Variants in MAP7 observed in about 807,000 individuals in gnomAD.
MAP7 encodes the protein ensconsin.
Under a neutral mutation model 94.8 loss-of-function variants are expected in MAP7, and 52 were observed. The observed-to-expected ratio is 0.55, with a 90% confidence interval of 0.44 to 0.69. MAP7 has a LOEUF of 0.69. Among genes scored for constraint, MAP7 ranks in the 30% least tolerant of loss-of-function variants. MAP7 has a pLI of 0.00. For synonymous variants in MAP7, 350 were observed against 357.0 expected, an observed-to-expected ratio of 0.98 and a Z score of 0.22; for missense variants, 940 against 964.6, an observed-to-expected ratio of 0.97 and a Z score of 0.34.
chr6:136,373,701 A>T (rs1350138030), intron 7 of MAP7, among the ~76,000 whole-genome samples: 1 of 152,228 alleles, frequency 6.6e-6, no homozygotes, highest in Non-Finnish European at 1.5e-5. Flanking sequence ...GTATTTGGAC[A>T]TGGTTATAAA....
At chr6:136,371,829 C>T (rs1053005215) in intron 8 of MAP7, among the ~76,000 whole-genome samples, 1 of 152,176 alleles carries the variant, frequency 6.6e-6, no homozygotes, top group Admixed American at 6.5e-5. Context: ...TACAAATTAC[C>T]TCATTGCATT....
At chr6:136,368,271 C>T (rs936201633) in intron 8 of MAP7, among the ~76,000 whole-genome samples, 2 of 151,794 alleles carry the variant, frequency 1.3e-5, no homozygotes, top group African/African-American at 4.8e-5. Context: ...ATTTGGGTAC[C>T]ACACATGTAA....
intron 17 of MAP7, among the ~76,000 whole-genome samples, chr6:136,345,429 C>T (rs1787401220): frequency 6.6e-6 from 1 of 152,222 alleles, no homozygotes; most frequent in African/African-American, 2.4e-5. Context: ...AACATGATGG[C>T]AGTCTTCAAA....
At chr6:136,511,757 C>T (rs769720796) in intron 1 of MAP7, among the ~76,000 whole-genome samples, 1 of 152,180 alleles carries the variant, frequency 6.6e-6, no homozygotes, top group Non-Finnish European at 1.5e-5. Context: ...TATGCAAGTT[C>T]TCCCTGGCTT....
At chr6:136,354,197 C>A (rs1790130327) in intron 16 of MAP7, among the ~76,000 whole-genome samples, 1 of 141,968 alleles carries the variant, frequency 7.0e-6, no homozygotes, top group African/African-American at 2.6e-5. Flanking sequence ...TATATATCTA[C>A]TATATATAAA....
chr6:136,403,051 G>C (rs868164647), intron 3 of MAP7, among the ~76,000 whole-genome samples: 1 of 151,916 alleles, frequency 6.6e-6, no homozygotes, highest in Non-Finnish European at 1.5e-5. Context: ...GTTGTCCTTG[G>C]AATCTTTCTG....
chr6:136,516,115 CT>C (rs1475069935), intron 1 of MAP7, among the ~76,000 whole-genome samples: 1 of 152,046 alleles, frequency 6.6e-6, no homozygotes, highest in Non-Finnish European at 1.5e-5. Context: ...AAGAAAGGGC[CT>C]AGAATCTGAG....
chr6:136,492,539 A>G (rs1192411709), intron 1 of MAP7, among the ~76,000 whole-genome samples: 1 of 152,220 alleles, frequency 6.6e-6, no homozygotes, highest in Non-Finnish European at 1.5e-5. Context: ...AGTTTGGGAA[A>G]AAGCAGTTAC....
chr6:136,361,053 C>T lies in MAP7; in HGVS notation c.1653G>A (p.Glu551=), dbSNP rs1158513896. 2 of 1,592,330 alleles carry T rather than the reference C, an allele frequency of 1.3e-6. No homozygotes were observed. The highest frequency in any genetic ancestry group is 1.7e-5 in the Admixed American group (1 of 58,186). The change falls in exon 12 of 18, where the codon GAG becomes GAA. Residue 551 remains glutamate (E), a synonymous_variant. Transcript: ENST00000354570. ...EKEEQLQRQA[E]ERALREREEA... is the part of the protein sequence containing the mutation. ...CCTCCCGCTCGCGCAGCGCCCGCTC[C>T]TCCGCCTGCCGCTGCAGCTGCTCCT...
intron 5 of MAP7, 26 bp downstream of exon 5, chr6:136,388,367 T>A (rs1174398570): frequency 2.0e-5 from 31 of 1,537,422 alleles, no homozygotes; most frequent in Admixed American, 1.9e-4. Context: ...AAATAAAGAC[T>A]AATTTTCAAA....
chr6:136,417,249 T>C (rs936433102), intron 2 of MAP7, among the ~76,000 whole-genome samples: 3 of 152,210 alleles, frequency 2.0e-5, no homozygotes, highest in Non-Finnish European at 2.9e-5. Context: ...TTAATTAAGA[T>C]TGCAGTTGCA....
chr6:136,483,420 T>C (rs1305386951), intron 1 of MAP7, among the ~76,000 whole-genome samples: 1 of 152,070 alleles, frequency 6.6e-6, no homozygotes, highest in African/African-American at 2.4e-5. Flanking sequence ...CATGCTTTAT[T>C]ACCTGGTGAC....
intron 1 of MAP7, among the ~76,000 whole-genome samples, chr6:136,483,826 T>C (rs1813727191): frequency 1.3e-5 from 2 of 152,252 alleles, no homozygotes; most frequent in South Asian, 2.1e-4. Flanking sequence ...AAATGGATTC[T>C]TTTACATAGT....
intron 3 of MAP7, among the ~76,000 whole-genome samples, chr6:136,392,609 T>C (rs1781112427): frequency 6.6e-6 from 1 of 152,094 alleles, no homozygotes; most frequent in South Asian, 2.1e-4. Context: ...CAATGTGCTG[T>C]CGTAAATCCC....
In MAP7 at chr6:136,530,899, A is replaced by G. The variant is rs147978961; in HGVS notation, c.67+19443T>C. On this transcript the variant is annotated intron_variant, in intron 1 of 17. Transcript: ENST00000354570. ...CTGTGGTGCCTTTTACAACATTTCTATAAATCTTCACTGCAAAACACTTCA... is the reference window on the plus strand; with the variant it reads ...CTGTGGTGCCTTTTACAACATTTCTGTAAATCTTCACTGCAAAACACTTCA... Among the ~76,000 whole-genome samples the G allele has an allele frequency of 9.7e-3, 1,402 of 144,962 alleles. 323 individuals are homozygous for G. The highest frequency in any genetic ancestry group is 0.038 in the African/African-American group (1,315 of 35,026).
intron 1 of MAP7, among the ~76,000 whole-genome samples, chr6:136,522,683 C>A (rs1390195742): frequency 6.6e-6 from 1 of 152,004 alleles, no homozygotes; most frequent in Non-Finnish European, 1.5e-5. Flanking sequence ...TAGTCACACA[C>A]AAAAAATAAA....
intron 5 of MAP7, among the ~76,000 whole-genome samples, chr6:136,387,931 A>C (rs1779620887): frequency 6.6e-6 from 1 of 152,214 alleles, no homozygotes; most frequent in Admixed American, 6.5e-5. Flanking sequence ...TTCTAGCTCA[A>C]TAAACCTATA....
chr6:136,482,426 C>T (rs545984379), intron 1 of MAP7, among the ~76,000 whole-genome samples: 98 of 151,966 alleles, frequency 6.4e-4, no homozygotes, highest in African/African-American at 2.1e-3. Flanking sequence ...TGGTGAAACC[C>T]CGTCTCTACT....
chr6:136,484,042 G>C (rs1252849978), intron 1 of MAP7, among the ~76,000 whole-genome samples: 1 of 152,194 alleles, frequency 6.6e-6, no homozygotes, highest in Admixed American at 6.5e-5. Flanking sequence ...AGCAGGTGCT[G>C]AGCTGGGGGA....
Sources: allele counts gnomAD v4.1 joint callset (sites outside exome capture counted in the v4.1 genomes callset), GRCh38; gene constraint gnomAD v4.1.1; transcripts MANE v1.5; gene names NCBI Gene and HGNC (gene_info 2026-07-23, HGNC 2026-07-21).